PKP4: variants seen among roughly 807,000 people sequenced by gnomAD.
The protein encoded by PKP4 is plakophilin 4.
In PKP4, 90 loss-of-function variants were observed where a neutral mutation model predicts 145.1. The ratio of observed to expected loss-of-function variants is 0.62; its 90% CI spans 0.52 to 0.74. The LOEUF is 0.74. Among genes scored for constraint, PKP4 ranks in the 30% least tolerant of loss-of-function variants. The probability of loss-of-function intolerance (pLI) is 0.00; values close to 1 mark genes in which losing one functional copy is unlikely to be tolerated. For synonymous variants in PKP4, 563 were observed against 577.2 expected (o/e 0.98, Z 0.35); for missense variants, 1,340 against 1,482.7 (o/e 0.90, Z 1.58).
At chr2:158,564,134 T>A (rs1033649555) in intron 2 of PKP4, among the ~76,000 whole-genome samples, 1 of 151,736 alleles carries the variant, frequency 6.6e-6, no homozygotes, top group Non-Finnish European at 1.5e-5. Flanking sequence ...TAAAATAATA[T>A]AATAATGTAA....
chr2:158,547,101 C>T (rs1457408121), intron 2 of PKP4, among the ~76,000 whole-genome samples: 1 of 152,106 alleles, frequency 6.6e-6, no homozygotes, highest in African/African-American at 2.4e-5. Flanking sequence ...ATGGCACAAC[C>T]ATGTTGGAAA....
chr2:158,463,134 G>A (rs1690033372), intron 1 of PKP4, among the ~76,000 whole-genome samples: 1 of 152,146 alleles, frequency 6.6e-6, no homozygotes, highest in Non-Finnish European at 1.5e-5. Context: ...AGAGAATCCA[G>A]CACAGTAATT....
chr2:158,489,027 G>A (rs1694562099), intron 1 of PKP4, among the ~76,000 whole-genome samples: 1 of 152,262 alleles, frequency 6.6e-6, no homozygotes, highest in African/African-American at 2.4e-5. Context: ...TCTGTACAAT[G>A]GAGTTGAACT....
chr2:158,467,565 T>C (rs1029215633), intron 1 of PKP4, among the ~76,000 whole-genome samples: 5 of 96,312 alleles, frequency 5.2e-5, no homozygotes, highest in Non-Finnish European at 8.9e-5. Flanking sequence ...AAAAAAAAAA[T>C]GTGGGCACGG....
intron 3 of PKP4, among the ~76,000 whole-genome samples, chr2:158,595,135 C>G (rs1490253135): frequency 6.6e-6 from 1 of 152,128 alleles, no homozygotes; most frequent in Non-Finnish European, 1.5e-5. Context: ...CCGGGCAATC[C>G]TTACCTGACT....
At chr2:158,673,306 A>T (rs949701707) in intron 17 of PKP4, among the ~76,000 whole-genome samples, 2 of 152,222 alleles carry the variant, frequency 1.3e-5, no homozygotes, top group Non-Finnish European at 2.9e-5. Context: ...GTCTCCAGAC[A>T]CTCAGAATGT....
intron 2 of PKP4, among the ~76,000 whole-genome samples, chr2:158,550,954 T>C (rs2045568730): frequency 6.6e-6 from 1 of 152,256 alleles, no homozygotes; most frequent in Admixed American, 6.5e-5. Flanking sequence ...CTACATTGCC[T>C]TGCTGTGTTA....
chr2:158,614,336 G>T (rs2051395450), intron 4 of PKP4, among the ~76,000 whole-genome samples: 1 of 152,008 alleles, frequency 6.6e-6, no homozygotes, highest in African/African-American at 2.4e-5. Context: ...AAATATCAAG[G>T]CAAAAATGGT....
rs138229842 is a variant in PKP4 at position 158,489,151 on chromosome 2, G to C, written c.-6+31933G>C. Among the ~76,000 whole-genome samples the C allele has an allele frequency of 8.8e-3, 1,337 of 152,150 alleles. 20 individuals are homozygous for C. Among genetic ancestry groups the C allele is most frequent in the African/African-American group, 0.03 (1,227 of 41,492 alleles). On this transcript the variant is annotated intron_variant, in intron 1 of 21. Coordinates refer to ENST00000389759, the MANE Select transcript of PKP4 (RefSeq NM_003628.6). ...AAACAAAGTTCATCCACATACAGTA[G>C]AGTCATTTTTTTTTCCTTCAGAAAT...
At position 158,595,239 on chromosome 2, in the gene PKP4, A is replaced by G. The variant is rs563889067; in HGVS notation, c.246-7831A>G. Among the ~76,000 whole-genome samples the G allele has an allele frequency of 5.3e-5, 8 of 152,330 alleles. No individual in the cohort carries two copies. The South Asian group carries it at 1.5e-3, about 28-fold the overall frequency. ...CTATTAGTAAGTGGTATGAATTTTC[A>G]GAACATCAGAAGACAGGTTATAGCA... On this transcript the variant is annotated intron_variant, in intron 3 of 21. Coordinates refer to ENST00000389759, the MANE Select transcript of PKP4 (RefSeq NM_003628.6).
At chr2:158,492,824 A>C (rs570707810) in intron 1 of PKP4, among the ~76,000 whole-genome samples, 1 of 152,368 alleles carries the variant, frequency 6.6e-6, no homozygotes, top group Non-Finnish European at 1.5e-5. Context: ...CAGACTAACC[A>C]AAAGATGGAC....
intron 3 of PKP4, among the ~76,000 whole-genome samples, chr2:158,587,478 C>T (rs1359998874): frequency 6.6e-6 from 1 of 151,918 alleles, no homozygotes; most frequent in Non-Finnish European, 1.5e-5. Flanking sequence ...TGATAAAGTA[C>T]TTTAATAGGT....
chr2:158,599,648 C>T (rs914473060), intron 3 of PKP4, among the ~76,000 whole-genome samples: 4 of 152,162 alleles, frequency 2.6e-5, no homozygotes, highest in Admixed American at 6.5e-5. Context: ...TGGTTGCAAA[C>T]AATAGAATCT....
chr2:158,463,590 T>C (rs766484131), intron 1 of PKP4, among the ~76,000 whole-genome samples: 5 of 152,182 alleles, frequency 3.3e-5, no homozygotes, highest in Non-Finnish European at 5.9e-5. Context: ...GTGTGTCCCA[T>C]GAGCACATCA....
intron 1 of PKP4, among the ~76,000 whole-genome samples, chr2:158,531,441 A>G (rs575250055): frequency 5.9e-5 from 9 of 152,334 alleles, no homozygotes; most frequent in African/African-American, 2.2e-4. Context: ...AATGGCTGGA[A>G]TACTTTTATA....
At chr2:158,628,697 C>G (rs1189646174) in intron 7 of PKP4, among the ~76,000 whole-genome samples, 1 of 152,180 alleles carries the variant, frequency 6.6e-6, no homozygotes, top group Non-Finnish European at 1.5e-5. Context: ...AAATCATAGT[C>G]TGTGCTTACA....
Position 158,666,473 on chromosome 2 carries a change from C to T in PKP4, c.2638C>T (p.Leu880Phe). ...AAAGGGGCTCCCCATCCTTGTGGAG[C>T]TTCTGAGAATGGATAACGATAGAGT... ...KEKGLPILVE[L>F]LRMDNDRVVS... The change falls in exon 16 of 22, where the codon CTT (leucine) becomes TTT (phenylalanine). Residue 880 changes from leucine (L) to phenylalanine (F), a missense_variant. Coordinates refer to ENST00000389759, the MANE Select transcript of PKP4 (RefSeq NM_003628.6). 6.2e-7 allele frequency: 1 copy of T among 1,613,168 alleles called. No homozygotes were observed. The highest frequency in any genetic ancestry group is 1.3e-5 in the African/African-American group (1 of 74,982).
intron 9 of PKP4, among the ~76,000 whole-genome samples, chr2:158,635,804 A>G (rs1334344638): frequency 2.6e-5 from 4 of 152,202 alleles, no homozygotes; most frequent in African/African-American, 7.2e-5. Flanking sequence ...ATTATTTGGT[A>G]GGTGCATTTA....
rs2054185341 is a variant in PKP4, at chr2:158,640,477, G to A, written c.1563-150G>A. ...GGGCCTCTGCATATGTTCATCAGGG[G>A]GAAAAATTATTTAGGTATGTATTTT... On this transcript the variant is annotated intron_variant, in intron 9 of 21. Transcript: ENST00000389759. 10 of 716,820 alleles carry A rather than the reference G, an allele frequency of 1.4e-5. No homozygotes were observed. In the East Asian group the frequency reaches 1.7e-4, roughly 12 times the overall value. The allele number at this position is 716,820 out of a possible 1,614,324, so 44.4% of individuals were successfully genotyped here. A position where few individuals can be genotyped will look rare whatever the true frequency, so the allele number is the denominator to read the frequency against.
Sources: allele counts gnomAD v4.1 joint callset (sites outside exome capture counted in the v4.1 genomes callset), GRCh38; gene constraint gnomAD v4.1.1; transcripts MANE v1.5; gene names NCBI Gene and HGNC (gene_info 2026-07-23, HGNC 2026-07-21).